SLC16A12: variants seen among roughly 807,000 people sequenced by gnomAD.
SLC16A12 encodes solute carrier family 16 member 12, also known as monocarboxylate transporter 12.
A neutral mutation model predicts 42.4 loss-of-function variants in SLC16A12; 17 were observed. The observed-to-expected ratio is 0.40, with a 90% CI of 0.27 to 0.60. SLC16A12 has a LOEUF of 0.60. Among genes scored for constraint, SLC16A12 ranks in the 20% least tolerant of loss-of-function variants. The probability of loss-of-function intolerance (pLI) is 0.42; values close to 1 mark genes in which losing one functional copy is unlikely to be tolerated. For synonymous variants in SLC16A12, 224 were observed against 229.4 expected (o/e 0.98, Z 0.21); for missense variants, 544 against 623.0 (o/e 0.87, Z 1.35).
chr10:89,459,409 G>A (rs772752205), intron 3 of SLC16A12, among the ~76,000 whole-genome samples: 34 of 152,074 alleles, frequency 2.2e-4, no homozygotes, highest in Non-Finnish European at 3.8e-4. Context: ...ATGTTTGTGT[G>A]TGTGTAGTGT....
chr10:89,451,860 C>T (rs146923690), intron 3 of SLC16A12, among the ~76,000 whole-genome samples: 3 of 152,208 alleles, frequency 2.0e-5, no homozygotes, highest in Non-Finnish European at 4.4e-5. Flanking sequence ...CTGCTAGGCC[C>T]ACGATTTGAG....
chr10:89,444,143 T>C (rs1377372373), intron 3 of SLC16A12, among the ~76,000 whole-genome samples: 1 of 152,214 alleles, frequency 6.6e-6, no homozygotes. Flanking sequence ...TGGATTCTTA[T>C]TTATTTTTGT....
chr10:89,522,073 C>T (rs1158147330), intron 2 of SLC16A12, among the ~76,000 whole-genome samples: 1 of 152,160 alleles, frequency 6.6e-6, no homozygotes, highest in African/African-American at 2.4e-5. Context: ...CCATTCTCAG[C>T]GTCAAGTTTG....
chr10:89,439,220 C>T (rs1224055368), intron 5 of SLC16A12, 37 bp from the exon 6 acceptor site: 1 of 1,557,578 alleles, frequency 6.4e-7, no homozygotes, highest in Non-Finnish European at 8.9e-7. Flanking sequence ...GCTGAAGTAC[C>T]ATAAACAGCC....
intron 2 of SLC16A12, among the ~76,000 whole-genome samples, chr10:89,474,653 G>A (rs1055197756): frequency 7.2e-5 from 11 of 152,084 alleles, no homozygotes; most frequent in African/African-American, 2.4e-4. Flanking sequence ...TTCATGTCAC[G>A]GAGGTACCAG....
chr10:89,449,906 T>G (rs185497026), intron 3 of SLC16A12, among the ~76,000 whole-genome samples: 93 of 151,954 alleles, frequency 6.1e-4, no homozygotes, highest in African/African-American at 1.5e-3. Flanking sequence ...TTCAACAAAT[T>G]TACAAGAAAA....
intron 3 of SLC16A12, among the ~76,000 whole-genome samples, chr10:89,453,507 T>A (rs1200707933): frequency 6.6e-6 from 1 of 152,226 alleles, no homozygotes; most frequent in Non-Finnish European, 1.5e-5. Flanking sequence ...ACCTTTTCTA[T>A]GTTTATATAC....
intron 4 of SLC16A12, among the ~76,000 whole-genome samples, chr10:89,443,163 A>G (rs1841941880): frequency 6.6e-6 from 1 of 152,216 alleles, no homozygotes; most frequent in African/African-American, 2.4e-5. Flanking sequence ...TACACCCATA[A>G]TGAATATGTT....
intron 3 of SLC16A12, among the ~76,000 whole-genome samples, chr10:89,455,587 A>C (rs183107207): frequency 4.6e-5 from 7 of 152,272 alleles, no homozygotes; most frequent in African/African-American, 1.7e-4. Context: ...GCACCACAGA[A>C]CTTTTTGAGT....
chr10:89,493,427 C>T (rs111445862), intron 2 of SLC16A12, among the ~76,000 whole-genome samples: 3,276 of 152,084 alleles, frequency 0.022, 89 homozygotes, highest in African/African-American at 0.04. Flanking sequence ...TTCTCCATGG[C>T]GGTCAGGCTG....
At chr10:89,510,449 A>T (rs1843145910) in intron 2 of SLC16A12, among the ~76,000 whole-genome samples, 1 of 152,214 alleles carries the variant, frequency 6.6e-6, no homozygotes, top group Admixed American at 6.5e-5. Context: ...CAACCATCTG[A>T]TCTTTGACAA....
chr10:89,485,998 T>C (rs1029852941), intron 2 of SLC16A12, among the ~76,000 whole-genome samples: 2 of 152,196 alleles, frequency 1.3e-5, no homozygotes, highest in Non-Finnish European at 2.9e-5. Flanking sequence ...GTGGAAATTC[T>C]GCCCTATCAG....
chr10:89,521,231 T>G (rs892213400), intron 2 of SLC16A12, among the ~76,000 whole-genome samples: 4 of 152,218 alleles, frequency 2.6e-5, no homozygotes, highest in Non-Finnish European at 5.9e-5. Context: ...CTGATCCCAT[T>G]GTAACTGATC....
intron 7 of SLC16A12, among the ~76,000 whole-genome samples, chr10:89,434,535 G>T (rs1421420768): frequency 6.6e-6 from 1 of 152,122 alleles, no homozygotes; most frequent in Non-Finnish European, 1.5e-5. Flanking sequence ...ACAGGGTTTT[G>T]TCATCTGCAC....
chr10:89,447,039 G>A (rs906709145), intron 3 of SLC16A12, among the ~76,000 whole-genome samples: 7 of 152,090 alleles, frequency 4.6e-5, no homozygotes, highest in Admixed American at 2.0e-4. Context: ...TAAAGGGATC[G>A]ATTCAACAAG....
chr10:89,472,643 C>T (rs1564580794), intron 2 of SLC16A12, among the ~76,000 whole-genome samples: 1 of 151,572 alleles, frequency 6.6e-6, no homozygotes, highest in Non-Finnish European at 1.5e-5. Flanking sequence ...CAGGTGCCCA[C>T]AACCATGCCC....
chr10:89,524,742 G>T (rs761868157), intron 2 of SLC16A12, among the ~76,000 whole-genome samples: 10 of 152,202 alleles, frequency 6.6e-5, no homozygotes, highest in Non-Finnish European at 1.0e-4. Context: ...AGCCTTTGAG[G>T]AAGAACACTG....
intron 3 of SLC16A12, among the ~76,000 whole-genome samples, chr10:89,458,614 T>C (rs1842239255): frequency 6.6e-6 from 1 of 152,186 alleles, no homozygotes; most frequent in African/African-American, 2.4e-5. Flanking sequence ...ATCAAATTCA[T>C]ACTTAGATAC....
At chr10:89,511,287 G>T (rs1161947053) in intron 2 of SLC16A12, among the ~76,000 whole-genome samples, 1 of 152,148 alleles carries the variant, frequency 6.6e-6, no homozygotes, top group African/African-American at 2.4e-5. Context: ...ACACGTATGT[G>T]TATTGCAGCA....
Sources: allele counts gnomAD v4.1 joint callset (sites outside exome capture counted in the v4.1 genomes callset), GRCh38; gene constraint gnomAD v4.1.1; transcripts MANE v1.5; gene names NCBI Gene and HGNC (gene_info 2026-07-23, HGNC 2026-07-21).